The following MAP2K6 variants were observed in gnomAD, a reference collection of about 807,000 sequenced individuals.
MAP2K6 encodes mitogen-activated protein kinase kinase 6.
In MAP2K6, 16 loss-of-function variants were observed where a neutral mutation model predicts 53.7. The observed-to-expected ratio is 0.30, with a 90% CI of 0.20 to 0.45. The LOEUF (loss-of-function observed/expected upper bound fraction) is 0.45. Ranked by LOEUF, MAP2K6 falls within the 20% of genes least tolerant of loss-of-function variation. The probability of loss-of-function intolerance (pLI) is 1.00; values close to 1 mark genes in which losing one functional copy is unlikely to be tolerated. For missense variants in MAP2K6, 204 were observed against 411.9 expected, an observed-to-expected ratio of 0.50 and a Z score of 4.37; for synonymous variants, 132 against 143.1, an observed-to-expected ratio of 0.92 and a Z score of 0.55.
At chr17:69,512,339 G>GTTTTTTTTT (rs746993199) in intron 2 of MAP2K6, among the ~76,000 whole-genome samples, 3 of 82,110 alleles carry the variant, frequency 3.7e-5, no homozygotes, top group South Asian at 4.7e-4. Context: ...TTTTTTTTTT[G>GTTTTTTTTT]TTTTTTTTTT....
chr17:69,456,981 G>A (rs1245603074), intron 1 of MAP2K6, among the ~76,000 whole-genome samples: 8 of 152,204 alleles, frequency 5.3e-5, no homozygotes, highest in South Asian at 2.1e-4. Context: ...ACTGCTTCAC[G>A]GCCGTGCATA....
chr17:69,466,685 T>C (rs1023076359), intron 1 of MAP2K6, among the ~76,000 whole-genome samples: 1 of 152,262 alleles, frequency 6.6e-6, no homozygotes, highest in Non-Finnish European at 1.5e-5. Flanking sequence ...AAACAGGTTA[T>C]ACTGGGTGGA....
At chr17:69,435,652 G>A (rs1004438238) in intron 1 of MAP2K6, 1 of 151,900 alleles carries the variant, frequency 6.6e-6, no homozygotes, top group African/African-American at 2.4e-5. Context: ...TAGATCTGAT[G>A]TTAGTAAAAG....
chr17:69,499,426 CCA>C (rs1436799255), intron 1 of MAP2K6, among the ~76,000 whole-genome samples: 3 of 152,206 alleles, frequency 2.0e-5, no homozygotes, highest in African/African-American at 7.2e-5. Context: ...TACATCATCT[CCA>C]GTTTGCAGGT....
intron 1 of MAP2K6, among the ~76,000 whole-genome samples, chr17:69,444,846 T>C (rs1906924071): frequency 6.6e-6 from 1 of 152,218 alleles, no homozygotes; most frequent in Non-Finnish European, 1.5e-5. Flanking sequence ...ACTCTCCAAG[T>C]TGGCTGTTGC....
At chr17:69,529,753 G>GC (rs914027010) in intron 10 of MAP2K6, among the ~76,000 whole-genome samples, 90 of 151,872 alleles carry the variant, frequency 5.9e-4, no homozygotes, top group South Asian at 8.3e-4. Context: ...CTCGTGATCT[G>GC]CCCCGCCTCA....
intron 1 of MAP2K6, among the ~76,000 whole-genome samples, chr17:69,438,590 A>AT (rs889339684): frequency 3.3e-5 from 5 of 151,442 alleles, no homozygotes; most frequent in Admixed American, 2.0e-4. Context: ...TGATACTTTT[A>AT]TTTTTTTTCT....
Position 69,544,449 on chromosome 17 carries a change from G to C in MAP2K6, c.*2696G>C, listed in dbSNP as rs1016462266. ...AAGATACCTAAACTATATATAAATG[G>C]GGAGTATTCTGTACATATAGACTTA... On this transcript the variant is annotated 3_prime_UTR_variant, in exon 12 of 12. Transcript: ENST00000590474. The C allele has an allele frequency of 6.6e-6, 1 of 152,102 alleles. No individual in the cohort carries two copies. The highest frequency in any genetic ancestry group is 2.4e-5 in the African/African-American group (1 of 41,424). 9.4% of individuals were successfully genotyped at this position (152,102 alleles called of 1,614,324 possible). A position where few individuals can be genotyped will look rare whatever the true frequency, so the allele number is the denominator to read the frequency against.
At chr17:69,428,080 T>C (rs1359351401) in intron 1 of MAP2K6, among the ~76,000 whole-genome samples, 2 of 152,206 alleles carry the variant, frequency 1.3e-5, no homozygotes, top group Admixed American at 6.5e-5. Flanking sequence ...TGTACCTCAC[T>C]CTGTGCTAGA....
intron 1 of MAP2K6, among the ~76,000 whole-genome samples, chr17:69,430,652 T>G (rs868254010): frequency 1.4e-4 from 22 of 152,190 alleles, no homozygotes; most frequent in African/African-American, 5.1e-4. Context: ...TTATCTTCCA[T>G]GCTGAGTACC....
At chr17:69,451,304 G>T (rs1907218346) in intron 1 of MAP2K6, among the ~76,000 whole-genome samples, 1 of 152,188 alleles carries the variant, frequency 6.6e-6, no homozygotes, top group African/African-American at 2.4e-5. Flanking sequence ...TTGCACCGTG[G>T]AAATCAGCAA....
At chr17:69,463,290 G>T (rs184437104) in intron 1 of MAP2K6, among the ~76,000 whole-genome samples, 3 of 150,238 alleles carry the variant, frequency 2.0e-5, no homozygotes, top group African/African-American at 7.3e-5. Context: ...ATATATGTGT[G>T]TGTATATACT....
intron 1 of MAP2K6, among the ~76,000 whole-genome samples, chr17:69,484,993 G>A (rs952414294): frequency 6.6e-6 from 1 of 152,026 alleles, no homozygotes; most frequent in Admixed American, 6.6e-5. Flanking sequence ...TGATAAAAAT[G>A]TTCTAAAATG....
chr17:69,419,926 A>T (rs1906024234), intron 1 of MAP2K6, among the ~76,000 whole-genome samples: 1 of 151,968 alleles, frequency 6.6e-6, no homozygotes, highest in East Asian at 1.9e-4. Flanking sequence ...AAAAAAAAAA[A>T]AATTAATTAA....
intron 1 of MAP2K6, among the ~76,000 whole-genome samples, chr17:69,470,358 A>G (rs953387340): frequency 2.0e-5 from 3 of 152,234 alleles, no homozygotes; most frequent in Non-Finnish European, 2.9e-5. Context: ...CAAAAGTAGC[A>G]TGATGATGAT....
At chr17:69,488,416 G>A (rs116048852) in intron 1 of MAP2K6, among the ~76,000 whole-genome samples, 1,656 of 152,236 alleles carry the variant, frequency 0.011, 28 homozygotes, top group African/African-American at 0.038. Flanking sequence ...CAATCCCATT[G>A]CTGGGTATAT....
intron 1 of MAP2K6, among the ~76,000 whole-genome samples, chr17:69,423,817 CCT>C (rs553878237): frequency 2.0e-5 from 3 of 152,074 alleles, no homozygotes; most frequent in Non-Finnish European, 4.4e-5. Flanking sequence ...TTAATTCTTC[CCT>C]GAGACTCTTC....
intron 7 of MAP2K6, among the ~76,000 whole-genome samples, chr17:69,522,931 C>T (rs1438059766): frequency 6.6e-6 from 1 of 151,476 alleles, no homozygotes; most frequent in East Asian, 1.9e-4. Flanking sequence ...CATGGTGGTT[C>T]CCACCTGTAG....
chr17:69,520,102 C>T (rs922257094), intron 5 of MAP2K6, 168 bp from the exon 6 acceptor site: 1 of 566,498 alleles, frequency 1.8e-6, no homozygotes, highest in Non-Finnish European at 3.1e-6. Flanking sequence ...GATAACCTTG[C>T]TTATTTGTAA....
Sources: allele counts gnomAD v4.1 joint callset (sites outside exome capture counted in the v4.1 genomes callset), GRCh38; gene constraint gnomAD v4.1.1; transcripts MANE v1.5; gene names NCBI Gene and HGNC (gene_info 2026-07-23, HGNC 2026-07-21).